Variants in SMAD3 observed in about 807,000 individuals in gnomAD.
SMAD3 encodes MAD homolog 3.
Under a neutral mutation model 51.8 loss-of-function variants are expected in SMAD3, and 12 were observed. The ratio of observed to expected loss-of-function variants is 0.23; its 90% CI spans 0.15 to 0.38. The LOEUF (loss-of-function observed/expected upper bound fraction) is 0.38. SMAD3 is among the 10% of genes least tolerant of loss of function. The pLI is 1.00. For missense variants in SMAD3, 294 were observed against 565.6 expected, an observed-to-expected ratio of 0.52 and a Z score of 4.87; for synonymous variants, 238 against 227.7, an observed-to-expected ratio of 1.05 and a Z score of -0.41.
intron 1 of SMAD3, chr15:67,142,752 T>C (rs901361889): frequency 1.0e-5 from 4 of 399,016 alleles, no homozygotes; most frequent in Admixed American, 2.9e-5. Flanking sequence ...AGTGGAGATA[T>C]ATTGATCTCA....
intron 4 of SMAD3, among the ~76,000 whole-genome samples, chr15:67,168,878 G>A (rs1962665851): frequency 6.6e-6 from 1 of 152,120 alleles, no homozygotes; most frequent in Non-Finnish European, 1.5e-5. Context: ...CACGGGCTTG[G>A]CTTCCCTGCC....
chr15:67,131,534 G>A (rs1566978366), intron 1 of SMAD3, among the ~76,000 whole-genome samples: 1 of 152,224 alleles, frequency 6.6e-6, no homozygotes, highest in Non-Finnish European at 1.5e-5. Flanking sequence ...GCCAAGCACT[G>A]CGCAGGGTGC....
intron 1 of SMAD3, among the ~76,000 whole-genome samples, chr15:67,120,927 A>C (rs1961245001): frequency 6.6e-6 from 1 of 152,118 alleles, no homozygotes; most frequent in Non-Finnish European, 1.5e-5. Flanking sequence ...GCCCAAGATG[A>C]CGACTCTTCC....
intron 1 of SMAD3, among the ~76,000 whole-genome samples, chr15:67,163,554 C>T (rs1451855033): frequency 6.6e-6 from 1 of 152,152 alleles, no homozygotes; most frequent in Non-Finnish European, 1.5e-5. Flanking sequence ...TCCTGTAAGC[C>T]ACCCAGACTC....
At chr15:67,076,820 G>A (rs1488338089) in intron 1 of SMAD3, among the ~76,000 whole-genome samples, 1 of 152,196 alleles carries the variant, frequency 6.6e-6, no homozygotes, top group Non-Finnish European at 1.5e-5. Flanking sequence ...CTCTTCCCCA[G>A]GTCTGTTTTA....
At chr15:67,068,574 C>T (rs1170627054) in intron 1 of SMAD3, among the ~76,000 whole-genome samples, 4 of 152,186 alleles carry the variant, frequency 2.6e-5, no homozygotes, top group South Asian at 2.1e-4. Flanking sequence ...GTGGCCTTCT[C>T]GTGACTTTGT....
At position 67,107,062 on chromosome 15, in the gene SMAD3, C is replaced by G. The variant is rs145658395; in HGVS notation, c.206+40702C>G. Among the ~76,000 whole-genome samples, 329 of 152,086 alleles carry G rather than the reference C, an allele frequency of 2.2e-3. 2 individuals are homozygous for G. The highest frequency in any genetic ancestry group is 7.7e-3 in the African/African-American group (321 of 41,484). ...CTGTCGGCTTCCCTAGCCCTGACTT[C>G]CCAAGCCTTAGTCATCACCCTCTCT... On this transcript the variant is annotated intron_variant, in intron 1 of 8. Transcript: ENST00000327367.
intron 1 of SMAD3, 111 bp downstream of exon 1, chr15:67,066,471 G>A (rs1959921430): frequency 2.3e-6 from 2 of 887,662 alleles, no homozygotes; most frequent in South Asian, 3.0e-5. Flanking sequence ...GGGAGGGAGT[G>A]AGACTGTGTG....
intron 1 of SMAD3, among the ~76,000 whole-genome samples, chr15:67,157,830 G>A (rs778475326): frequency 6.6e-6 from 1 of 152,160 alleles, no homozygotes; most frequent in East Asian, 1.9e-4. Context: ...TACGGGTCCC[G>A]CTTGAAGCCA....
chr15:67,176,324 C>G (rs1264358718), intron 5 of SMAD3, among the ~76,000 whole-genome samples: 1 of 152,008 alleles, frequency 6.6e-6, no homozygotes, highest in Non-Finnish European at 1.5e-5. Flanking sequence ...AGGCAGAGGA[C>G]CCAGGCAGGA....
chr15:67,177,101 T>C (rs1387241940), intron 5 of SMAD3, among the ~76,000 whole-genome samples: 1 of 152,126 alleles, frequency 6.6e-6, no homozygotes, highest in Admixed American at 6.5e-5. Context: ...GATCAGTTGA[T>C]TGATTGGTCA....
intron 8 of SMAD3, among the ~76,000 whole-genome samples, chr15:67,188,251 C>T (rs1280120498): frequency 6.6e-6 from 1 of 150,800 alleles, no homozygotes; most frequent in Non-Finnish European, 1.5e-5. Context: ...CCAGGACGTG[C>T]CTCAGCCTCC....
At position 67,085,734 on chromosome 15, in the gene SMAD3, A is replaced by G. The variant is rs556783477; in HGVS notation, c.206+19374A>G. On this transcript the variant is annotated intron_variant, in intron 1 of 8. Transcript: ENST00000327367. ...CGGCCTGGGGAAATCCATGTTTTTT[A>G]ACTTTCCTAGGTGATTCCGGTATGT... Among the ~76,000 whole-genome samples, 239 of 152,220 alleles carry G rather than the reference A, an allele frequency of 1.6e-3. 2 individuals carry two copies. The highest frequency in any genetic ancestry group is 5.6e-3 in the African/African-American group (232 of 41,514).
At chr15:67,070,888 A>C (rs940211716) in intron 1 of SMAD3, among the ~76,000 whole-genome samples, 5 of 152,110 alleles carry the variant, frequency 3.3e-5, no homozygotes, top group African/African-American at 1.2e-4. Context: ...TCAGGATGAG[A>C]TAAGTTCTGT....
At chr15:67,148,014 G>A (rs888714985) in intron 1 of SMAD3, among the ~76,000 whole-genome samples, 2 of 152,008 alleles carry the variant, frequency 1.3e-5, no homozygotes, top group African/African-American at 4.8e-5. Context: ...AATTTTTGTT[G>A]GTAGTCCACA....
At chr15:67,141,172 C>T (rs746600758) in intron 1 of SMAD3, among the ~76,000 whole-genome samples, 9 of 152,106 alleles carry the variant, frequency 5.9e-5, no homozygotes, top group African/African-American at 1.9e-4. Flanking sequence ...CTGGGCTGAC[C>T]GCAAGTGAGG....
intron 1 of SMAD3, among the ~76,000 whole-genome samples, chr15:67,116,507 A>G (rs1961138706): frequency 2.0e-5 from 3 of 152,346 alleles, no homozygotes; most frequent in Non-Finnish European, 4.4e-5. Flanking sequence ...CGTTGTCTCA[A>G]TAATGACTGA....
chr15:67,129,008 C>T (rs1172778350), intron 1 of SMAD3, among the ~76,000 whole-genome samples: 1 of 152,114 alleles, frequency 6.6e-6, no homozygotes, highest in African/African-American at 2.4e-5. Flanking sequence ...AACTCAGGCC[C>T]AGCCACTTAC....
rs140357369 is a variant in SMAD3, at chr15:67,092,933, G to A, written c.206+26573G>A. 1.6e-3 allele frequency among the ~76,000 whole-genome samples: 240 copies of A among 152,246 alleles called. 8 individuals are homozygous for A. In the East Asian group the frequency reaches 0.041, roughly 26 times the overall value. ...AGCCAGCTTCTGCATCATGGAAAATGGCCCCCATGCCCATCCCTGAGTTGT... is the reference window on the plus strand; with the variant it reads ...AGCCAGCTTCTGCATCATGGAAAATAGCCCCCATGCCCATCCCTGAGTTGT... On this transcript the variant is annotated intron_variant, in intron 1 of 8. Coordinates refer to ENST00000327367, the MANE Select transcript of SMAD3 (RefSeq NM_005902.4).
Sources: allele counts gnomAD v4.1 joint callset (sites outside exome capture counted in the v4.1 genomes callset), GRCh38; gene constraint gnomAD v4.1.1; transcripts MANE v1.5; gene names NCBI Gene and HGNC (gene_info 2026-07-23, HGNC 2026-07-21).